Variants in MAX observed in about 807,000 individuals in gnomAD.
MAX encodes MYC associated transcriptional regulator X.
In MAX, 3 loss-of-function variants were observed where a neutral mutation model predicts 22.3. The ratio of observed to expected loss-of-function variants is 0.13; its 90% CI spans 0.06 to 0.35. The LOEUF (loss-of-function observed/expected upper bound fraction) is 0.35, where lower values mean the gene tolerates loss of function less well. Among genes scored for constraint, MAX ranks in the 10% least tolerant of loss-of-function variants. The probability of loss-of-function intolerance (pLI) is 1.00; values close to 1 mark genes in which losing one functional copy is unlikely to be tolerated. For synonymous variants in MAX, 72 were observed against 77.7 expected (o/e 0.93, Z 0.39); for missense variants, 119 against 209.4 (o/e 0.57, Z 2.66).
In MAX at chr14:65,044,764, T is replaced by C. The variant is rs560844443; in HGVS notation, c.172-38480A>G. On this transcript the variant is annotated intron_variant, in intron 3 of 3. Transcript: ENST00000341653. This position sits in a 1 kb window ranked among gnomAD's most constrained non-coding sequence, Gnocchi z 5.5. ...AGCAGCCCACTCCTGTCCTGGGCTC[T>C]GTGGTGATTGCCACCTCCTCTGGGT... The C allele has an allele frequency of 2.6e-5, 8 of 308,892 alleles. No homozygotes were observed. In the Admixed American group the frequency reaches 2.8e-4, roughly 11 times the overall value. The allele number at this position is 308,892 out of a possible 1,614,324, so 19.1% of individuals were successfully genotyped here. A position where few individuals can be genotyped will look rare whatever the true frequency, so the allele number is the denominator to read the frequency against.
chr14:65,090,439 T>C (rs182034441), intron 3 of MAX: 2 of 152,278 alleles, frequency 1.3e-5, no homozygotes, highest in East Asian at 3.9e-4. Context: ...ACAACTGCTG[T>C]GTGGATTTAA....
In MAX at chr14:65,027,108, G is replaced by GGCA. The variant is rs1360328742; in HGVS notation, c.172-20827_172-20825dup. On this transcript the variant is annotated intron_variant, in intron 3 of 3. Transcript: ENST00000341653. This position sits in a 1 kb window ranked among gnomAD's most constrained non-coding sequence, Gnocchi z 5.7. ...GAGGAGGCTGGTACCACAGGTCCAG[G>GGCA]GCAGCAAGTTGAGTGGAAAGTCTGG... is the stretch of plus-strand genomic sequence containing the variant. Among the ~76,000 whole-genome samples the GGCA allele has an allele frequency of 5.3e-5, 8 of 152,136 alleles. No homozygotes were observed. The highest frequency in any genetic ancestry group is 8.8e-5 in the Non-Finnish European group (6 of 68,032).
chr14:65,075,462 T>C lies in MAX; in HGVS notation c.*1014A>G. The C allele has an allele frequency of 9.4e-7, 1 of 1,064,086 alleles. No individual in the cohort carries two copies. The highest frequency in any genetic ancestry group is 1.1e-6 in the Non-Finnish European group (1 of 878,292). The allele number at this position is 1,064,086 out of a possible 1,614,324, so 65.9% of individuals were successfully genotyped here. A position where few individuals can be genotyped will look rare whatever the true frequency, so the allele number is the denominator to read the frequency against. ...GGAAGGGTCCGCACTGGGGTGCGGG[T>C]TTAGTACCAGGTAAATTGCTCTTGG... On this transcript the variant is annotated 3_prime_UTR_variant, in exon 5 of 5. Transcript: ENST00000358664. This position sits in a 1 kb window ranked among gnomAD's most constrained non-coding sequence, Gnocchi z 4.1.
At chr14:65,058,357 G>A (rs946268433) in intron 3 of MAX, among the ~76,000 whole-genome samples, 1 of 151,530 alleles carries the variant, frequency 6.6e-6, no homozygotes, top group African/African-American at 2.4e-5. Context: ...TTTGTTACTA[G>A]TGTATAGAAA....
chr14:65,035,150 A>G (rs2062160053), intron 3 of MAX, among the ~76,000 whole-genome samples: 1 of 152,188 alleles, frequency 6.6e-6, no homozygotes, highest in Non-Finnish European at 1.5e-5. Flanking sequence ...TCTTCCTGCC[A>G]GAAGGATGGT....
At position 65,075,917 on chromosome 14, in the gene MAX, A is replaced by G. The variant is rs755449382; in HGVS notation, c.*559T>C. ...TTTTATACCACAAACTTCTCTAAGG[A>G]TCTGGTCTTTCAATAGGAGCGATAC... is the stretch of plus-strand genomic sequence containing the variant. On this transcript the variant is annotated 3_prime_UTR_variant, in exon 5 of 5. Coordinates refer to ENST00000358664, the MANE Select transcript of MAX (RefSeq NM_002382.5). The surrounding 1 kb of genome is among the most constrained non-coding windows in gnomAD (Gnocchi z 4.1). 1.9e-6 allele frequency: 2 copies of G among 1,068,160 alleles called. No individual in the cohort carries two copies. The highest frequency in any genetic ancestry group is 2.3e-6 in the Non-Finnish European group (2 of 881,088). The allele number at this position is 1,068,160 out of a possible 1,614,324, so 66.2% of individuals were successfully genotyped here. A position where few individuals can be genotyped will look rare whatever the true frequency, so the allele number is the denominator to read the frequency against.
At chr14:65,061,633 ATC>A in intron 3 of MAX, 1 of 259,170 alleles carries the variant, frequency 3.9e-6, no homozygotes, top group Non-Finnish European at 7.7e-6. Context: ...GATGAATGGC[ATC>A]TGAGTATTAC....
rs1595128052 is a variant in MAX at position 65,076,938 on chromosome 14, C to T, written c.296-275G>A. The T allele has an allele frequency of 1.7e-6, 1 of 575,056 alleles. No homozygotes were observed. Among genetic ancestry groups the T allele is most frequent in the Non-Finnish European group, 3.1e-6 (1 of 321,556 alleles). The allele number at this position is 575,056 out of a possible 1,614,324, so 35.6% of individuals were successfully genotyped here. ...TGATGTCACCGTCCTGCCGTGGAAG[C>T]CCCGTGGAGAGACTGGAGCGTGAGC... is the stretch of plus-strand genomic sequence containing the variant. On this transcript the variant is annotated intron_variant, in intron 4 of 4. Transcript: ENST00000358664. The surrounding 1 kb of genome is among the most constrained non-coding windows in gnomAD (Gnocchi z 6.6).
At chr14:65,024,328 A>ATTT (rs36123699) in intron 3 of MAX, among the ~76,000 whole-genome samples, 1 of 151,820 alleles carries the variant, frequency 6.6e-6, no homozygotes, top group Non-Finnish European at 1.5e-5. Flanking sequence ...GGGTGTTGGG[A>ATTT]TTTTTTTAAA....
rs146637159 is a variant in MAX, at chr14:65,080,367, A to G, written c.172-2331T>C. On this transcript the variant is annotated intron_variant, in intron 3 of 4. Transcript: ENST00000358664. The stretch of plus-strand genomic sequence containing the variant: ...CACTGTTTCCCATTTCTACAAAGGG[A>G]CCTTATTAGGGTTTATTAGGTGACA... Among the ~76,000 whole-genome samples the G allele has an allele frequency of 7.0e-4, 107 of 152,300 alleles. 1 individual carries two copies. Among genetic ancestry groups the G allele is most frequent in the African/African-American group, 2.5e-3 (105 of 41,548 alleles).
At chr14:65,099,583 C>T (rs559236066) in intron 2 of MAX, among the ~76,000 whole-genome samples, 2 of 151,306 alleles carry the variant, frequency 1.3e-5, no homozygotes, top group Admixed American at 6.5e-5. Context: ...CTTTCTCTTA[C>T]TGGGAAGTCA....
At chr14:65,097,923 C>T (rs2063715856) in intron 2 of MAX, among the ~76,000 whole-genome samples, 1 of 152,180 alleles carries the variant, frequency 6.6e-6, no homozygotes, top group African/African-American at 2.4e-5. Flanking sequence ...GCCTGGTATA[C>T]ATTTCCAACA....
intron 3 of MAX, chr14:65,021,914 A>G (rs1018694311): frequency 3.5e-5 from 16 of 455,766 alleles, no homozygotes; most frequent in African/African-American, 2.6e-4. Context: ...CCAAAGTGCT[A>G]GGATTATAGG....
Position 65,062,394 on chromosome 14 carries a change from A to G in MAX, c.171+31314T>C, listed in dbSNP as rs906462599. On this transcript the variant is annotated intron_variant, in intron 3 of 3. Transcript: ENST00000341653. The surrounding 1 kb of genome is among the most constrained non-coding windows in gnomAD (Gnocchi z 4.3). Reference sequence around the variant, plus strand: ...GTGGTGGCAGCGTGGGGTGCCGCCCAGCGTGCTGGGTCCTGGCAGTGCCTC... The same window carrying G: ...GTGGTGGCAGCGTGGGGTGCCGCCCGGCGTGCTGGGTCCTGGCAGTGCCTC... The G allele has an allele frequency of 6.6e-6, 1 of 152,638 alleles. No homozygotes were observed. Among genetic ancestry groups the G allele is most frequent in the African/African-American group, 2.4e-5 (1 of 41,456 alleles). 9.5% of individuals were successfully genotyped at this position (152,638 alleles called of 1,614,324 possible).
chr14:65,010,336 T>C (rs2139504219), intron 3 of MAX, among the ~76,000 whole-genome samples: 1 of 152,360 alleles, frequency 6.6e-6, no homozygotes, highest in East Asian at 1.9e-4. Flanking sequence ...CACCTGTCAC[T>C]TGTGTGCAGA....
At chr14:65,048,429 T>C (rs2062535714) in intron 3 of MAX, among the ~76,000 whole-genome samples, 1 of 152,204 alleles carries the variant, frequency 6.6e-6, no homozygotes, top group African/African-American at 2.4e-5. Context: ...GCAAAAAGAA[T>C]GCTCTACATA....
chr14:65,070,295 TAGA>T (rs201510872), downstream of MAX, among the ~76,000 whole-genome samples: 629 of 152,220 alleles, frequency 4.1e-3, 9 homozygotes, highest in East Asian at 0.04. This position sits in a 1 kb window ranked among gnomAD's most constrained non-coding sequence, Gnocchi z 4.4. Context: ...AGCACTGGAG[TAGA>T]AGGTTTGGGC....
chr14:65,006,400 C>G, intron 3 of MAX: 2 of 1,470,910 alleles, frequency 1.4e-6, no homozygotes, highest in Non-Finnish European at 1.8e-6. Context: ...AATTATTCCT[C>G]TTGTCATGAG....
intron 3 of MAX, among the ~76,000 whole-genome samples, chr14:65,052,914 C>T (rs1161857618): frequency 6.6e-6 from 1 of 152,162 alleles, no homozygotes; most frequent in East Asian, 1.9e-4. Context: ...CTACCGAGGT[C>T]AGTCTGGGAA....
Sources: allele counts gnomAD v4.1 joint callset (sites outside exome capture counted in the v4.1 genomes callset), GRCh38; gene constraint gnomAD v4.1.1; non-coding constraint Gnocchi (gnomAD v3.1); transcripts MANE v1.5; gene names NCBI Gene and HGNC (gene_info 2026-07-23, HGNC 2026-07-21).